TJP1: variants seen among roughly 807,000 people sequenced by gnomAD.
TJP1 encodes tight junction protein ZO-1.
Under a neutral mutation model 194.2 loss-of-function variants are expected in TJP1, and 43 were observed. That is an observed-to-expected ratio of 0.22 (90% CI 0.17 to 0.29). The LOEUF (loss-of-function observed/expected upper bound fraction) is 0.29. Ranked by LOEUF, TJP1 falls within the 10% of genes least tolerant of loss-of-function variation. TJP1 has a pLI of 1.00. For synonymous variants in TJP1, 801 were observed against 779.0 expected, an observed-to-expected ratio of 1.03 and a Z score of -0.47; for missense variants, 1,971 against 2,185.7, an observed-to-expected ratio of 0.90 and a Z score of 1.96.
At chr15:29,701,802 C>T in intron 27 of TJP1, 113 bp from the exon 28 acceptor site, 1 of 727,766 alleles carries the variant, frequency 1.4e-6, no homozygotes, top group Non-Finnish European at 2.3e-6. Flanking sequence ...TCTGTTTCTT[C>T]AGCATATTGA....
intron 2 of TJP1, among the ~76,000 whole-genome samples, chr15:29,939,683 G>A (rs1316831634): frequency 6.6e-6 from 1 of 152,204 alleles, no homozygotes; most frequent in African/African-American, 2.4e-5. Context: ...CAAAAGTGAT[G>A]GTATTAGGAG....
intron 8 of TJP1, among the ~76,000 whole-genome samples, chr15:29,760,712 C>T (rs148213791): frequency 1.2e-4 from 19 of 152,192 alleles, no homozygotes; most frequent in African/African-American, 4.6e-4. Context: ...AAACAAAGTC[C>T]AGGTTAATGT....
intron 2 of TJP1, among the ~76,000 whole-genome samples, chr15:29,901,634 C>A (rs2053636964): frequency 6.6e-6 from 1 of 152,046 alleles, no homozygotes; most frequent in Non-Finnish European, 1.5e-5. Flanking sequence ...CCAGCCTGGC[C>A]AACATGGTGA....
At chr15:29,906,535 T>C (rs1478827472) in intron 2 of TJP1, among the ~76,000 whole-genome samples, 1 of 149,436 alleles carries the variant, frequency 6.7e-6, no homozygotes, top group East Asian at 2.0e-4. Context: ...AAATAAAAAT[T>C]AAAAAATGTT....
At chr15:29,714,523 C>T (rs921355109) in intron 23 of TJP1, among the ~76,000 whole-genome samples, 1 of 148,220 alleles carries the variant, frequency 6.7e-6, no homozygotes, top group African/African-American at 2.5e-5. Context: ...CAGGCGTGAG[C>T]CACTGCGCCC....
chr15:29,743,432 TAAAAAA>T (rs771341303), intron 8 of TJP1, among the ~76,000 whole-genome samples: 2 of 152,084 alleles, frequency 1.3e-5, no homozygotes, highest in Admixed American at 6.6e-5. Flanking sequence ...ATTTGGTACT[TAAAAAA>T]AGAAAAGACA....
At chr15:29,740,151 A>T (rs1040736777) in intron 10 of TJP1, among the ~76,000 whole-genome samples, 3 of 151,446 alleles carry the variant, frequency 2.0e-5, no homozygotes, top group Non-Finnish European at 4.4e-5. Context: ...AATTTTTTGT[A>T]TTTTTAGTAG....
downstream of TJP1, chr15:29,700,002 G>A (rs1231998364): frequency 9.9e-6 from 3 of 303,030 alleles, no homozygotes; most frequent in East Asian, 5.0e-5. Context: ...ATCTGTACAT[G>A]CTGGCCAAGG....
At position 29,718,908 on chromosome 15, in the gene TJP1, C is replaced by T. The variant is rs2042755584; in HGVS notation, c.3234G>A (p.Leu1078=). Residue 1078 remains leucine (L), a synonymous_variant, in exon 21 of 28, where the codon CTG becomes CTA. Coordinates refer to ENST00000614355, the MANE Select transcript of TJP1 (RefSeq NM_001330239.4). ...DQFSRNYEHR[L]RYEDRVPMYE... Reference sequence around the variant, plus strand: ...ACATGGGGACGCGATCTTCGTATCGCAGACGATGTTCATAGTTTCGAGAAA... The same window carrying T: ...ACATGGGGACGCGATCTTCGTATCGTAGACGATGTTCATAGTTTCGAGAAA... 6.2e-7 allele frequency: 1 copy of T among 1,614,176 alleles called. No individual in the cohort carries two copies. The highest frequency in any genetic ancestry group is 2.2e-5 in the East Asian group (1 of 44,886).
chr15:29,726,876 A>G lies in TJP1; in HGVS notation c.2216T>C (p.Met739Thr), dbSNP rs150291117. The change falls in exon 17 of 28, where the codon ATG (methionine) becomes ACG (threonine). Residue 739 changes from methionine (M) to threonine (T), a missense_variant. Met to Thr is a moderately conservative substitution (Grantham distance 81, BLOSUM62 -1). Transcript: ENST00000614355. ...AGATTCTGGACATAACCTCATTCTC[A>G]TTGTTTTTACTCCTTGCTTAGAATC... ...NPDSKQGVKT[M>T]RMRLCPESRK... is the part of the protein sequence containing the mutation. 3.2e-5 allele frequency: 52 copies of G among 1,613,926 alleles called. No homozygotes were observed. Among genetic ancestry groups the G allele is most frequent in the Non-Finnish European group, 4.2e-5 (50 of 1,179,814 alleles).
intron 10 of TJP1, among the ~76,000 whole-genome samples, chr15:29,738,104 G>A (rs973172221): frequency 1.3e-5 from 2 of 152,062 alleles, no homozygotes; most frequent in Non-Finnish European, 2.9e-5. Flanking sequence ...TCTAGCATCA[G>A]TGTAGTGTTG....
intron 15 of TJP1, chr15:29,730,615 C>T: frequency 1.8e-6 from 1 of 568,434 alleles, no homozygotes; most frequent in East Asian, 4.0e-5. Context: ...AAAAGAGGAG[C>T]AGTGTGAAGA....
At chr15:29,741,513 AT>A in intron 9 of TJP1, 77 bp from the exon 10 acceptor site, 1 of 940,938 alleles carries the variant, frequency 1.1e-6, no homozygotes. Flanking sequence ...GCAATATATG[AT>A]TCATAAGTTC....
intron 13 of TJP1, 95 bp from the exon 14 acceptor site, chr15:29,732,910 G>T: frequency 7.7e-7 from 1 of 1,299,540 alleles, no homozygotes; most frequent in Non-Finnish European, 1.0e-6. Flanking sequence ...CTGGATGGAA[G>T]TTCACATACA....
chr15:29,861,967 C>T (rs7161841), intron 2 of TJP1, among the ~76,000 whole-genome samples: 62,876 of 151,906 alleles, frequency 0.41, 13,459 homozygotes, highest in East Asian at 0.48. Context: ...GAAAGTCTTA[C>T]AGTTTTAGCT....
rs576466281 is a variant in TJP1 at position 29,830,957 on chromosome 15, AAAG to A, written c.307-30258_307-30256del. On this transcript the variant is annotated intron_variant, in intron 2 of 28. Coordinates refer to the TJP1 transcript ENST00000356107. ...ATGATACAATTTGATCCTCAAAAGAAAAGAAACAAACAAAGGAAGAAAAGAAAA... is the reference window on the plus strand; with the variant it reads ...ATGATACAATTTGATCCTCAAAAGAAAAACAAACAAAGGAAGAAAAGAAAA... Among the ~76,000 whole-genome samples, 88 of 152,328 alleles carry A rather than the reference AAAG, an allele frequency of 5.8e-4. 1 individual carries two copies. The South Asian group carries it at 0.018, about 31-fold the overall frequency.
chr15:29,742,622 T>TA lies in TJP1; in HGVS notation c.1150+19dup, dbSNP rs756330770. The TA allele has an allele frequency of 1.3e-6, 2 of 1,542,496 alleles. No individual in the cohort carries two copies. Among genetic ancestry groups the TA allele is most frequent in the South Asian group, 1.3e-5 (1 of 77,512 alleles). On this transcript the variant is annotated intron_variant, in intron 9 of 27. Transcript: ENST00000614355. ...TCTACTTGCAAATGTTTCTTGAACT[T>TA]AGTGTTTCGTTATGCTTACCTGGAA...
At chr15:29,730,601 A>T (rs1256025251) in intron 15 of TJP1, 1 of 531,194 alleles carries the variant, frequency 1.9e-6, no homozygotes, top group East Asian at 4.5e-5. Context: ...TCTCTGAAAA[A>T]AAAAAAAGAG....
intron 1 of TJP1, among the ~76,000 whole-genome samples, chr15:29,803,025 CAG>C (rs1335023553): frequency 2.0e-5 from 3 of 152,018 alleles, no homozygotes; most frequent in African/African-American, 7.3e-5. Flanking sequence ...GGTTGTAAAA[CAG>C]CGTGTACATG....
Sources: allele counts gnomAD v4.1 joint callset (sites outside exome capture counted in the v4.1 genomes callset), GRCh38; gene constraint gnomAD v4.1.1; transcripts MANE v1.5; gene names NCBI Gene and HGNC (gene_info 2026-07-23, HGNC 2026-07-21).